MTMR12: variants seen among roughly 807,000 people sequenced by gnomAD.
MTMR12 encodes myotubularin related protein 12, also known as myotubularin-related protein 12.
A neutral mutation model predicts 96.7 loss-of-function variants in MTMR12; 33 were observed. That is an observed-to-expected ratio of 0.34 (90% CI 0.26 to 0.46). The LOEUF (loss-of-function observed/expected upper bound fraction) is 0.46, where lower values mean the gene tolerates loss of function less well. MTMR12 is among the 20% of genes least tolerant of loss of function. MTMR12 has a pLI of 1.00. For synonymous variants in MTMR12, 298 were observed against 327.2 expected (o/e 0.91, Z 0.96); for missense variants, 721 against 896.1 (o/e 0.80, Z 2.49).
chr5:32,293,168 C>T (rs1183509001), intron 1 of MTMR12, among the ~76,000 whole-genome samples: 3 of 152,018 alleles, frequency 2.0e-5, no homozygotes, highest in Non-Finnish European at 4.4e-5. Context: ...AAGGGGTGGA[C>T]TTGTGATGGT....
chr5:32,238,969 T>C (rs751366885), intron 13 of MTMR12, 32 bp downstream of exon 13: 2 of 1,533,706 alleles, frequency 1.3e-6, no homozygotes, highest in Non-Finnish European at 1.8e-6. Flanking sequence ...GTTCTCCCTA[T>C]GACGGAAACA....
intron 3 of MTMR12, 63 bp downstream of exon 3, chr5:32,273,917 A>G: frequency 8.7e-6 from 14 of 1,600,102 alleles, no homozygotes; most frequent in Non-Finnish European, 1.2e-5. Flanking sequence ...CTGGGAAAAA[A>G]AGACAACGGA....
rs534067885 is a variant in MTMR12, at chr5:32,294,556, C to T, written c.82-17814G>A. ...CCTCCAGTAATCTGCCCACCTTGGC[C>T]TCCCAAAGTGCTGAGATTACAGGTG... On this transcript the variant is annotated intron_variant, in intron 1 of 15. Coordinates refer to ENST00000382142, the MANE Select transcript of MTMR12 (RefSeq NM_001040446.3). Among the ~76,000 whole-genome samples, 3 of 152,192 alleles carry T rather than the reference C, an allele frequency of 2.0e-5. No individual in the cohort carries two copies. In the South Asian group the frequency reaches 6.2e-4, roughly 32 times the overall value.
Position 32,233,075 on chromosome 5 carries a change from TA to T in MTMR12, c.1674+697del, listed in dbSNP as rs1748062052. 4 of 930,604 alleles carry T rather than the reference TA, an allele frequency of 4.3e-6. No individual in the cohort carries two copies. Among genetic ancestry groups the T allele is most frequent in the Non-Finnish European group, 5.1e-6 (4 of 780,110 alleles). 57.6% of individuals were successfully genotyped at this position (930,604 alleles called of 1,614,324 possible). A position where few individuals can be genotyped will look rare whatever the true frequency, so the allele number is the denominator to read the frequency against. On this transcript the variant is annotated intron_variant, in intron 15 of 15. Coordinates refer to ENST00000382142, the MANE Select transcript of MTMR12 (RefSeq NM_001040446.3). The surrounding 1 kb of genome is among the most constrained non-coding windows in gnomAD (Gnocchi z 5.0). Reference sequence around the variant, plus strand: ...GTTAGGGAACTTTGGGATTATCAACTAAAATGACTTTCTGACATTTGTGGCT... The same window carrying T: ...GTTAGGGAACTTTGGGATTATCAACTAAATGACTTTCTGACATTTGTGGCT...
At chr5:32,296,801 T>TA (rs150147919) in intron 1 of MTMR12, among the ~76,000 whole-genome samples, 1,920 of 117,766 alleles carry the variant, frequency 0.016, 29 homozygotes, top group African/African-American at 0.045. Flanking sequence ...ACATTCTCTT[T>TA]AAAAAAAAAA....
chr5:32,295,129 C>T (rs184676015), intron 1 of MTMR12, among the ~76,000 whole-genome samples: 3 of 152,242 alleles, frequency 2.0e-5, no homozygotes, highest in Non-Finnish European at 4.4e-5. Context: ...GCTGGTACCC[C>T]ACTCCTGGCC....
At chr5:32,263,300 A>C (rs1749446248) in intron 6 of MTMR12, 58 bp from the exon 7 acceptor site, 1 of 1,599,458 alleles carries the variant, frequency 6.3e-7, no homozygotes, top group Non-Finnish European at 8.5e-7. Flanking sequence ...TGGTGCTTTT[A>C]TTATGTGAAA....
Position 32,263,246 on chromosome 5 carries a change from A to G in MTMR12, c.584-4T>C, listed in dbSNP as rs771765256. The G allele has an allele frequency of 6.2e-7, 1 of 1,613,720 alleles. No homozygotes were observed. The highest frequency in any genetic ancestry group is 8.5e-7 in the Non-Finnish European group (1 of 1,179,914). On this transcript the variant is annotated splice_polypyrimidine_tract_variant and splice_region_variant and intron_variant, in intron 6 of 15. Transcript: ENST00000382142. ...GTATGGTTCTTGGGATCAGTGACTA[A>G]GAGAACAAAATGTAAAAGACAATAA...
chr5:32,239,809 C>T (rs1748394171), intron 12 of MTMR12, among the ~76,000 whole-genome samples: 1 of 152,220 alleles, frequency 6.6e-6, no homozygotes, highest in Admixed American at 6.5e-5. Flanking sequence ...CCTGCTTCTC[C>T]TGCCTATCCT....
chr5:32,234,190 G>A (rs1221561489), intron 14 of MTMR12, among the ~76,000 whole-genome samples: 1 of 152,162 alleles, frequency 6.6e-6, no homozygotes, highest in African/African-American at 2.4e-5. Context: ...AGCCTCGCGA[G>A]GCAACTGTTG....
chr5:32,274,079 G>A lies in MTMR12; in HGVS notation c.186C>T (p.Val62=). The A allele has an allele frequency of 6.2e-7, 1 of 1,614,112 alleles. No homozygotes were observed. Among genetic ancestry groups the A allele is most frequent in the Non-Finnish European group, 8.5e-7 (1 of 1,180,014 alleles). Reference sequence around the variant, plus strand: ...CCCCATGCTGACAGGAATCTTCCTGGACATACTTCAGTACTGTGCTGGCTT... The same window carrying A: ...CCCCATGCTGACAGGAATCTTCCTGAACATACTTCAGTACTGTGCTGGCTT... ...LCEASTVLKY[V]QEDSCQHGVY... Residue 62 remains valine (V), a synonymous_variant, in exon 3 of 16, where the codon GTC becomes GTT. Coordinates refer to ENST00000382142, the MANE Select transcript of MTMR12 (RefSeq NM_001040446.3).
intron 6 of MTMR12, among the ~76,000 whole-genome samples, chr5:32,263,884 A>G (rs1749480731): frequency 1.3e-5 from 2 of 152,260 alleles, no homozygotes; most frequent in Admixed American, 6.5e-5. Flanking sequence ...CACAAATGCT[A>G]AAGTGACAAA....
chr5:32,264,582 T>G (rs1749521354), intron 6 of MTMR12, among the ~76,000 whole-genome samples: 1 of 152,020 alleles, frequency 6.6e-6, no homozygotes. Context: ...TGCCTCGGCC[T>G]CCTGAATAGC....
intron 10 of MTMR12, among the ~76,000 whole-genome samples, chr5:32,244,999 C>G (rs1427094299): frequency 6.6e-6 from 1 of 151,212 alleles, no homozygotes; most frequent in African/African-American, 2.4e-5. Flanking sequence ...ACATTATTAA[C>G]TGAAAAAAAA....
rs1751663756 is a variant in MTMR12 at position 32,312,931 on chromosome 5, T to C, written c.-93A>G. 2 of 1,222,226 alleles carry C rather than the reference T, an allele frequency of 1.6e-6. No individual in the cohort carries two copies. Among genetic ancestry groups the C allele is most frequent in the Admixed American group, 3.8e-5 (1 of 26,470 alleles). The allele number at this position is 1,222,226 out of a possible 1,614,324, so 75.7% of individuals were successfully genotyped here. ...AGCGGCGGCCACCAGCACTAGCGGC[T>C]GGGGCTCCGCCCATCCCCAAGGCCG... On this transcript the variant is annotated 5_prime_UTR_variant, in exon 1 of 16. Transcript: ENST00000382142. The surrounding 1 kb of genome is among the most constrained non-coding windows in gnomAD (Gnocchi z 5.0).
chr5:32,281,218 A>C (rs1214706916), intron 1 of MTMR12, among the ~76,000 whole-genome samples: 1 of 146,386 alleles, frequency 6.8e-6, no homozygotes, highest in Non-Finnish European at 1.5e-5. Context: ...ACTGCACTCC[A>C]GCCTGGGCAA....
Position 32,257,893 on chromosome 5 carries a change from C to A in MTMR12, c.714-2125G>T, listed in dbSNP as rs144227961. Among the ~76,000 whole-genome samples, 375 of 152,218 alleles carry A rather than the reference C, an allele frequency of 2.5e-3. 1 individual carries two copies. The highest frequency in any genetic ancestry group is 8.8e-3 in the African/African-American group (365 of 41,538). On this transcript the variant is annotated intron_variant, in intron 7 of 15. Coordinates refer to ENST00000382142, the MANE Select transcript of MTMR12 (RefSeq NM_001040446.3). ...ACCAGCCTGGGCAACACGGCAAAAT[C>A]CCCCTCGCTACTAAAAATATAAAAA...
chr5:32,243,391 A>G, intron 11 of MTMR12, 130 bp downstream of exon 11: 1 of 649,314 alleles, frequency 1.5e-6, no homozygotes, highest in Non-Finnish European at 2.6e-6. Context: ...TATAAAATCT[A>G]GCTGTAGAAC....
intron 7 of MTMR12, among the ~76,000 whole-genome samples, chr5:32,258,348 G>C (rs532099755): frequency 1.3e-5 from 2 of 152,276 alleles, no homozygotes; most frequent in African/African-American, 2.4e-5. Context: ...CCTTTTTCAG[G>C]TGTAGTCATT....
Sources: gnomAD v4.1 joint callset for allele counts (sites outside exome capture counted in the v4.1 genomes callset) on GRCh38, gnomAD v4.1.1 for gene constraint, Gnocchi (gnomAD v3.1) non-coding constraint, MANE v1.5 for transcripts, NCBI Gene and HGNC (gene_info 2026-07-23, HGNC 2026-07-21) for gene names.